DLC1: variants seen among roughly 807,000 people sequenced by gnomAD.
DLC1 encodes the protein rho GTPase-activating protein 7.
DLC1 carries 54 observed loss-of-function variants against 140.3 expected under a neutral mutation model. The ratio of observed to expected loss-of-function variants is 0.38; its 90% confidence interval spans 0.31 to 0.48. DLC1 has a LOEUF of 0.48. Among genes scored for constraint, DLC1 ranks in the 20% least tolerant of loss-of-function variants. The probability of loss-of-function intolerance (pLI) is 0.96; values close to 1 mark genes in which losing one functional copy is unlikely to be tolerated. For synonymous variants in DLC1, 986 were observed against 728.1 expected (o/e 1.35, Z -5.70); for missense variants, 2,536 against 1,907.0 (o/e 1.33, Z -6.14).
rs147511459 is a variant in DLC1 at position 13,364,133 on chromosome 8, C to T, written c.1314+29420G>A. Among the ~76,000 whole-genome samples the T allele has an allele frequency of 1.3e-4, 20 of 152,138 alleles. No homozygotes were observed. The East Asian group carries it at 3.9e-3, about 30-fold the overall frequency. ...AAGAGAGAAAGGAGTTCAAGGAAAGCCAGAGAACAACTAAGAAGAAGATTT... is the reference window on the plus strand; with the variant it reads ...AAGAGAGAAAGGAGTTCAAGGAAAGTCAGAGAACAACTAAGAAGAAGATTT... On this transcript the variant is annotated intron_variant, in intron 4 of 17. Coordinates refer to ENST00000276297, the MANE Select transcript of DLC1 (RefSeq NM_182643.3).
intron 2 of DLC1, among the ~76,000 whole-genome samples, chr8:13,496,352 T>C (rs1174606089): frequency 6.6e-6 from 1 of 152,174 alleles, no homozygotes; most frequent in East Asian, 1.9e-4. Flanking sequence ...ATATACTAAA[T>C]ATTATTTTAT....
chr8:13,174,724 C>T lies in DLC1; in HGVS notation c.1349-59067G>A, dbSNP rs541655196. ...TTTTACTGGGGTTGTATGTTTTTTG[C>T]TTGCTGACTTAAGTTCCTTATAGAT... On this transcript the variant is annotated intron_variant, in intron 5 of 17. Coordinates refer to ENST00000276297, the MANE Select transcript of DLC1 (RefSeq NM_182643.3). 7.2e-5 allele frequency among the ~76,000 whole-genome samples: 11 copies of T among 152,162 alleles called. No homozygotes were observed. The South Asian group carries it at 2.1e-3, about 29-fold the overall frequency.
intron 1 of DLC1, among the ~76,000 whole-genome samples, chr8:13,552,413 A>G (rs920325848): frequency 1.0e-4 from 15 of 150,596 alleles, no homozygotes; most frequent in Non-Finnish European, 8.9e-5. Context: ...TGAATAAGCT[A>G]AATTTTCAGA....
At chr8:13,596,243 A>G (rs900095858) in intron 1 of DLC1, among the ~76,000 whole-genome samples, 3 of 152,020 alleles carry the variant, frequency 2.0e-5, no homozygotes, top group South Asian at 2.1e-4. Context: ...ACCTTTAAAA[A>G]TGGCTTTCCA....
At chr8:13,464,929 G>A (rs1799864477) in intron 2 of DLC1, among the ~76,000 whole-genome samples, 1 of 151,714 alleles carries the variant, frequency 6.6e-6, no homozygotes, top group South Asian at 2.1e-4. Context: ...TAAAAACAGG[G>A]ACTCACTATG....
chr8:13,263,208 G>T (rs1025361213), intron 5 of DLC1, among the ~76,000 whole-genome samples: 5 of 152,028 alleles, frequency 3.3e-5, no homozygotes, highest in African/African-American at 9.7e-5. Flanking sequence ...AGAGTTTTTT[G>T]GGAGGGAGGA....
chr8:13,255,672 G>A (rs1040031638), intron 5 of DLC1, among the ~76,000 whole-genome samples: 2 of 152,090 alleles, frequency 1.3e-5, no homozygotes, highest in Non-Finnish European at 2.9e-5. Context: ...GATTCATGCT[G>A]TTCCCTTCTC....
chr8:13,224,891 A>G (rs974836732), intron 5 of DLC1, among the ~76,000 whole-genome samples: 2 of 152,312 alleles, frequency 1.3e-5, no homozygotes, highest in Admixed American at 1.3e-4. Context: ...GGGCAGAACT[A>G]AAAAAATTGT....
At chr8:13,217,606 G>A (rs1162806892) in intron 5 of DLC1, among the ~76,000 whole-genome samples, 1 of 152,130 alleles carries the variant, frequency 6.6e-6, no homozygotes, top group South Asian at 2.1e-4. Flanking sequence ...AGGCTGAGGA[G>A]GGCGGATTAT....
At chr8:13,488,236 A>G (rs1213260236) in intron 2 of DLC1, among the ~76,000 whole-genome samples, 1 of 152,234 alleles carries the variant, frequency 6.6e-6, no homozygotes, top group African/African-American at 2.4e-5. Flanking sequence ...ATTAGTGGGA[A>G]TGAATACCTA....
At chr8:13,589,017 C>T (rs1249601019) in intron 1 of DLC1, among the ~76,000 whole-genome samples, 1 of 152,028 alleles carries the variant, frequency 6.6e-6, no homozygotes, top group Non-Finnish European at 1.5e-5. Context: ...TGGACCATAT[C>T]CATTCAACAT....
At chr8:13,278,886 CT>C (rs1831266980) in intron 5 of DLC1, among the ~76,000 whole-genome samples, 1 of 152,136 alleles carries the variant, frequency 6.6e-6, no homozygotes, top group South Asian at 2.1e-4. Flanking sequence ...ATTATTATCA[CT>C]TTTTTAGAGA....
At chr8:13,164,348 G>GTC (rs60999030) in intron 5 of DLC1, among the ~76,000 whole-genome samples, 1 of 150,402 alleles carries the variant, frequency 6.6e-6, no homozygotes, top group African/African-American at 2.5e-5. Context: ...CTGTCTGTCT[G>GTC]TCTCTCTCTC....
intron 5 of DLC1, among the ~76,000 whole-genome samples, chr8:13,181,381 C>T (rs1451489185): frequency 6.7e-6 from 1 of 148,870 alleles, no homozygotes; most frequent in African/African-American, 2.5e-5. Context: ...TATATGTGCA[C>T]AACGTGTAGG....
chr8:13,392,702 C>G lies in DLC1; in HGVS notation c.1314+851G>C, dbSNP rs184270672. ...CTTCATAAGTGTTACCTTTTAGAGT[C>G]AAATACTATTTTCCTGTTGCAGTTC... On this transcript the variant is annotated intron_variant, in intron 4 of 17. Coordinates refer to ENST00000276297, the MANE Select transcript of DLC1 (RefSeq NM_182643.3). 7.4e-4 allele frequency among the ~76,000 whole-genome samples: 113 copies of G among 152,262 alleles called. No individual in the cohort carries two copies. The Middle Eastern group carries it at 0.017, about 23-fold the overall frequency.
chr8:13,435,402 C>T (rs1481285689), intron 2 of DLC1, among the ~76,000 whole-genome samples: 1 of 152,170 alleles, frequency 6.6e-6, no homozygotes, highest in Non-Finnish European at 1.5e-5. Context: ...CAAACTCCAC[C>T]TCCCGGGTTC....
At chr8:13,501,013 C>T (rs1053027734) in intron 1 of DLC1, among the ~76,000 whole-genome samples, 1 of 152,136 alleles carries the variant, frequency 6.6e-6, no homozygotes. Context: ...TTCATTGTCT[C>T]CATGGAATTA....
At chr8:13,562,010 GA>G (rs1804260985) in intron 1 of DLC1, among the ~76,000 whole-genome samples, 1 of 152,110 alleles carries the variant, frequency 6.6e-6, no homozygotes, top group Non-Finnish European at 1.5e-5. Flanking sequence ...CTAAAGACAG[GA>G]GTTACGGGTA....
At position 13,443,590 on chromosome 8, in the gene DLC1, G is replaced by A. The variant is rs572875842; in HGVS notation, c.1024-41971C>T. 4.0e-5 allele frequency among the ~76,000 whole-genome samples: 6 copies of A among 149,328 alleles called. 1 individual carries two copies. In the Middle Eastern group the frequency reaches 0.014, roughly 339 times the overall value. The stretch of plus-strand genomic sequence containing the variant: ...AGGAGAATGGCATGAACCCAGAGGC[G>A]GAGCTTGCAGTGAGCCAAGATCGCG... On this transcript the variant is annotated intron_variant, in intron 2 of 17. Coordinates refer to ENST00000276297, the MANE Select transcript of DLC1 (RefSeq NM_182643.3).
Sources: gnomAD v4.1 joint callset for allele counts (sites outside exome capture counted in the v4.1 genomes callset) on GRCh38, gnomAD v4.1.1 for gene constraint, MANE v1.5 for transcripts, NCBI Gene and HGNC (gene_info 2026-07-23, HGNC 2026-07-21) for gene names.